The following STK32B variants were observed in gnomAD, a reference collection of about 807,000 sequenced individuals.
STK32B encodes the protein serine/threonine kinase 32B.
STK32B carries 43 observed loss-of-function variants against 52.6 expected under a neutral mutation model. That is an observed-to-expected ratio of 0.82 (90% confidence interval 0.64 to 1.05). STK32B has a LOEUF of 1.05. STK32B is among the 50% of genes least tolerant of loss of function. The pLI is 0.00. For missense variants in STK32B, 621 were observed against 534.6 expected, an observed-to-expected ratio of 1.16 and a Z score of -1.59; for synonymous variants, 238 against 204.3, an observed-to-expected ratio of 1.17 and a Z score of -1.41.
intron 1 of STK32B, among the ~76,000 whole-genome samples, chr4:5,075,684 C>T (rs1424764133): frequency 1.3e-5 from 2 of 151,916 alleles, no homozygotes; most frequent in Non-Finnish European, 2.9e-5. Flanking sequence ...ATTTAGGAAA[C>T]CTGAAAATAT....
At chr4:5,238,635 G>T (rs1198584131) in intron 3 of STK32B, among the ~76,000 whole-genome samples, 1 of 152,120 alleles carries the variant, frequency 6.6e-6, no homozygotes, top group Non-Finnish European at 1.5e-5. Flanking sequence ...TATCTTTTCG[G>T]GCTTAAATTC....
chr4:5,153,601 T>C (rs1321046537), intron 2 of STK32B, among the ~76,000 whole-genome samples: 8 of 152,110 alleles, frequency 5.3e-5, no homozygotes, highest in Non-Finnish European at 1.5e-5. Context: ...ACATTTTATA[T>C]AATGCTGAAA....
At chr4:5,288,732 T>C (rs148683526) in intron 3 of STK32B, among the ~76,000 whole-genome samples, 297 of 152,294 alleles carry the variant, frequency 2.0e-3, no homozygotes, top group African/African-American at 6.5e-3. Flanking sequence ...ACACAAAAGT[T>C]TTTAATTTTA....
At chr4:5,092,757 A>G (rs1261724060) in intron 1 of STK32B, among the ~76,000 whole-genome samples, 1 of 152,092 alleles carries the variant, frequency 6.6e-6, no homozygotes, top group African/African-American at 2.4e-5. Flanking sequence ...GAACAGCACC[A>G]AGGAGATGGT....
At chr4:5,104,639 C>G (rs1326247621) in intron 1 of STK32B, among the ~76,000 whole-genome samples, 1 of 152,168 alleles carries the variant, frequency 6.6e-6, no homozygotes, top group Non-Finnish European at 1.5e-5. Flanking sequence ...AATCAAAGTA[C>G]AGAACATTAA....
intron 4 of STK32B, among the ~76,000 whole-genome samples, chr4:5,361,842 G>T (rs988663411): frequency 5.3e-5 from 8 of 152,198 alleles, no homozygotes; most frequent in Non-Finnish European, 7.3e-5. Context: ...AAAGATTTAG[G>T]TCGGGGTAGA....
chr4:5,155,161 T>TA (rs1299459897), intron 2 of STK32B, among the ~76,000 whole-genome samples: 1 of 152,192 alleles, frequency 6.6e-6, no homozygotes, highest in African/African-American at 2.4e-5. Context: ...AAGGCTCACT[T>TA]ATAGCATACA....
intron 11 of STK32B, among the ~76,000 whole-genome samples, chr4:5,478,355 C>A (rs961604704): frequency 2.6e-5 from 4 of 152,126 alleles, no homozygotes; most frequent in Admixed American, 1.3e-4. Flanking sequence ...AAGAGAATCC[C>A]TTGCGTTTTG....
At chr4:5,081,047 G>A (rs190959936) in intron 1 of STK32B, among the ~76,000 whole-genome samples, 1 of 152,292 alleles carries the variant, frequency 6.6e-6, no homozygotes, top group Non-Finnish European at 1.5e-5. Context: ...AGATCATGGA[G>A]TATTTGTCTT....
chr4:5,387,737 TG>T (rs1736348640), intron 4 of STK32B, among the ~76,000 whole-genome samples: 1 of 152,004 alleles, frequency 6.6e-6, no homozygotes, highest in Non-Finnish European at 1.5e-5. Flanking sequence ...GCCACTGTTT[TG>T]TTTTTTTATT....
chr4:5,348,894 C>G (rs1424020466), intron 4 of STK32B, among the ~76,000 whole-genome samples: 1 of 152,312 alleles, frequency 6.6e-6, no homozygotes, highest in East Asian at 1.9e-4. Flanking sequence ...CCTTAACACT[C>G]CTTCCAGAGT....
At chr4:5,476,311 T>C (rs1271995298) in intron 11 of STK32B, among the ~76,000 whole-genome samples, 2 of 152,198 alleles carry the variant, frequency 1.3e-5, no homozygotes, top group Non-Finnish European at 2.9e-5. Flanking sequence ...GTCTGAGGGA[T>C]TCTCAAGCCC....
intron 6 of STK32B, among the ~76,000 whole-genome samples, chr4:5,445,738 G>A (rs1040717041): frequency 1.3e-5 from 2 of 152,146 alleles, no homozygotes; most frequent in Admixed American, 6.5e-5. Flanking sequence ...AATGTTTTAT[G>A]AGCACCGCCT....
At chr4:5,247,352 A>G (rs919596989) in intron 3 of STK32B, among the ~76,000 whole-genome samples, 56 of 152,292 alleles carry the variant, frequency 3.7e-4, no homozygotes, top group African/African-American at 1.1e-3. Flanking sequence ...GAGGCTCCAT[A>G]GGCGTAGGAC....
intron 1 of STK32B, among the ~76,000 whole-genome samples, chr4:5,107,570 A>G (rs1038295126): frequency 3.9e-5 from 6 of 152,200 alleles, no homozygotes; most frequent in African/African-American, 1.4e-4. Flanking sequence ...CAAGCCATCA[A>G]TGACCATTGC....
At chr4:5,255,914 A>G (rs1468594830) in intron 3 of STK32B, among the ~76,000 whole-genome samples, 2 of 152,196 alleles carry the variant, frequency 1.3e-5, no homozygotes, top group African/African-American at 2.4e-5. Context: ...ATACGCATGC[A>G]TGTCCCTTGA....
intron 3 of STK32B, among the ~76,000 whole-genome samples, chr4:5,173,608 G>A (rs1719574706): frequency 6.6e-6 from 1 of 152,166 alleles, no homozygotes; most frequent in Non-Finnish European, 1.5e-5. Context: ...ATGTAGTTGA[G>A]CGGTTTTGAG....
chr4:5,099,687 G>C (rs1041248824), intron 1 of STK32B, among the ~76,000 whole-genome samples: 3 of 152,114 alleles, frequency 2.0e-5, no homozygotes, highest in African/African-American at 7.2e-5. Context: ...TTCTAGGCAG[G>C]GGAAATATCC....
chr4:5,082,640 C>T (rs898485832), intron 1 of STK32B, among the ~76,000 whole-genome samples: 1 of 152,186 alleles, frequency 6.6e-6, no homozygotes, highest in Admixed American at 6.5e-5. Context: ...ATTTCCTTTT[C>T]AGGGCATTGT....
Sources: gnomAD v4.1 joint callset for allele counts (sites outside exome capture counted in the v4.1 genomes callset) on GRCh38, gnomAD v4.1.1 for gene constraint, MANE v1.5 for transcripts, NCBI Gene and HGNC (gene_info 2026-07-23, HGNC 2026-07-21) for gene names.